The following ECT2L variants were observed in gnomAD, a reference collection of about 807,000 sequenced individuals.
ECT2L encodes epithelial cell transforming 2 like, also known as epithelial cell-transforming sequence 2 oncogene-like.
Under a neutral mutation model 122.8 loss-of-function variants are expected in ECT2L, and 126 were observed. The ratio of observed to expected loss-of-function variants is 1.03; its 90% CI spans 0.89 to 1.19. ECT2L has a LOEUF of 1.19. ECT2L is among the 50% of genes most tolerant of loss of function. The pLI is 0.00. For synonymous variants in ECT2L, 385 were observed against 381.8 expected, an observed-to-expected ratio of 1.01 and a Z score of -0.10; for missense variants, 1,012 against 1,064.1, an observed-to-expected ratio of 0.95 and a Z score of 0.68.
chr6:138,866,787 T>C lies in ECT2L; in HGVS notation c.1475-1316T>C, dbSNP rs946067034. On this transcript the variant is annotated intron_variant, in intron 12 of 21. Coordinates refer to ENST00000541398, the MANE Select transcript of ECT2L (RefSeq NM_001077706.3). The stretch of plus-strand genomic sequence containing the variant: ...TTTGGACTTTAAAATATTTATATAT[T>C]TGAAGCCTGGTGTAGTGGCTCATGC... Among the ~76,000 whole-genome samples, 4 of 152,232 alleles carry C rather than the reference T, an allele frequency of 2.6e-5. No homozygotes were observed. In the South Asian group the frequency reaches 6.2e-4, roughly 24 times the overall value.
intron 10 of ECT2L, among the ~76,000 whole-genome samples, chr6:138,855,555 CA>C (rs1276961249): frequency 6.6e-6 from 1 of 151,960 alleles, no homozygotes; most frequent in African/African-American, 2.4e-5. Context: ...GGAAATATAC[CA>C]AAATATTAAC....
At chr6:138,826,855 T>G (rs1268806715) in intron 4 of ECT2L, among the ~76,000 whole-genome samples, 7 of 152,000 alleles carry the variant, frequency 4.6e-5, no homozygotes, top group Non-Finnish European at 8.8e-5. Context: ...CATTTAAAAG[T>G]GTGTGGCACC....
intron 7 of ECT2L, among the ~76,000 whole-genome samples, chr6:138,845,773 A>G (rs1269808294): frequency 6.6e-6 from 1 of 152,234 alleles, no homozygotes; most frequent in Non-Finnish European, 1.5e-5. Flanking sequence ...TTCAAGGCAC[A>G]TAAAGAATTT....
At chr6:138,888,303 CTTCT>C (rs1485629328) in intron 19 of ECT2L, among the ~76,000 whole-genome samples, 7 of 144,108 alleles carry the variant, frequency 4.9e-5, no homozygotes, top group African/African-American at 1.6e-4. Context: ...AATTCATTCA[CTTCT>C]TTTTCTTTTC....
intron 4 of ECT2L, among the ~76,000 whole-genome samples, chr6:138,814,939 G>A (rs186393593): frequency 2.6e-5 from 4 of 152,210 alleles, no homozygotes; most frequent in Admixed American, 6.5e-5. Context: ...TGGATGTCTG[G>A]GACATAGGTA....
At chr6:138,880,817 C>T (rs543605551) in intron 14 of ECT2L, 140 bp from the exon 15 acceptor site, 17 of 662,120 alleles carry the variant, frequency 2.6e-5, no homozygotes, top group East Asian at 1.1e-4. Context: ...TGATGGACAG[C>T]GGGGTCCTCC....
At chr6:138,816,515 T>C (rs368138688) in intron 4 of ECT2L, among the ~76,000 whole-genome samples, 27 of 152,196 alleles carry the variant, frequency 1.8e-4, no homozygotes, top group African/African-American at 5.8e-4. Flanking sequence ...GATGGAGTCT[T>C]GCTCTGTCGC....
At chr6:138,858,291 CTCAAAGTTAAA>C (rs746960960) in intron 10 of ECT2L, among the ~76,000 whole-genome samples, 3 of 152,250 alleles carry the variant, frequency 2.0e-5, no homozygotes, top group Middle Eastern at 3.4e-3. Context: ...TAATAGACAT[CTCAAAGTTAAA>C]TCAAACCCTT....
At chr6:138,866,746 T>C (rs75393372) in intron 12 of ECT2L, among the ~76,000 whole-genome samples, 7,128 of 152,324 alleles carry the variant, frequency 0.047, 234 homozygotes, top group Non-Finnish European at 0.075. Flanking sequence ...TGTATGTATG[T>C]TTGCATGTTA....
At chr6:138,829,282 T>G (rs766935653) in intron 4 of ECT2L, among the ~76,000 whole-genome samples, 2 of 152,226 alleles carry the variant, frequency 1.3e-5, no homozygotes, top group African/African-American at 2.4e-5. Flanking sequence ...GTGGGAAATA[T>G]TTGGTATTAG....
chr6:138,873,912 GTGTCCA>G (rs1443608785), intron 13 of ECT2L, among the ~76,000 whole-genome samples: 1 of 148,676 alleles, frequency 6.7e-6, no homozygotes, highest in East Asian at 2.0e-4. Context: ...GTGTGTGTGT[GTGTCCA>G]TCCATGTATC....
rs1460867179 is a variant in ECT2L at position 138,824,613 on chromosome 6, CTG to C, written c.179+10012_179+10013del. Among the ~76,000 whole-genome samples, 183 of 148,722 alleles carry C rather than the reference CTG, an allele frequency of 1.2e-3. 1 individual carries two copies. Among genetic ancestry groups the C allele is most frequent in the Non-Finnish European group, 2.1e-3 (141 of 67,516 alleles). ...AACACAAAACAGTGCTTAGATTACA[CTG>C]TAATGCACATCAAGTGTAAAGGACA... is the stretch of plus-strand genomic sequence containing the variant. On this transcript the variant is annotated intron_variant, in intron 4 of 21. Transcript: ENST00000541398.
intron 9 of ECT2L, among the ~76,000 whole-genome samples, chr6:138,850,017 C>A (rs1777378081): frequency 6.6e-6 from 1 of 151,724 alleles, no homozygotes; most frequent in Non-Finnish European, 1.5e-5. Context: ...TCTGTGCCCA[C>A]TGAAAAAAAA....
chr6:138,847,519 C>T (rs528641458), intron 8 of ECT2L, among the ~76,000 whole-genome samples: 4 of 149,660 alleles, frequency 2.7e-5, no homozygotes, highest in South Asian at 2.1e-4. Flanking sequence ...TACAGGCGCC[C>T]GCCACCATGC....
At chr6:138,869,578 A>C (rs182483240) in intron 13 of ECT2L, among the ~76,000 whole-genome samples, 152 of 152,346 alleles carry the variant, frequency 1.0e-3, no homozygotes, top group African/African-American at 3.4e-3. Context: ...CTTGCTGATA[A>C]AATGAGCAGG....
At chr6:138,880,879 G>A in intron 14 of ECT2L, 78 bp from the exon 15 acceptor site, 1 of 1,289,434 alleles carries the variant, frequency 7.8e-7, no homozygotes, top group Non-Finnish European at 1.1e-6. Flanking sequence ...CAGCAAGGGG[G>A]GTCTCCGTGT....
intron 13 of ECT2L, 152 bp from the exon 14 acceptor site, chr6:138,876,320 C>A (rs1254989271): frequency 1.4e-5 from 7 of 506,272 alleles, no homozygotes; most frequent in Non-Finnish European, 2.4e-5. Context: ...AGAGTGGCAT[C>A]CCATTTGCAA....
chr6:138,879,335 C>T (rs1386373276), intron 14 of ECT2L: 1 of 156,312 alleles, frequency 6.4e-6, no homozygotes, highest in Non-Finnish European at 1.4e-5. Context: ...GTGCTGGAGT[C>T]ACCTCAGGTC....
chr6:138,833,288 G>A (rs924555567), intron 4 of ECT2L, among the ~76,000 whole-genome samples: 1 of 152,156 alleles, frequency 6.6e-6, no homozygotes, highest in Non-Finnish European at 1.5e-5. Context: ...TTATAGATAT[G>A]CCATAACTTA....
Sources: allele counts gnomAD v4.1 joint callset (sites outside exome capture counted in the v4.1 genomes callset), GRCh38; gene constraint gnomAD v4.1.1; transcripts MANE v1.5; gene names NCBI Gene and HGNC (gene_info 2026-07-23, HGNC 2026-07-21).